The following RIF1 variants were observed in gnomAD, a reference collection of about 807,000 sequenced individuals.
RIF1 encodes replication timing regulatory factor 1, also known as telomere-associated protein RIF1.
A neutral mutation model predicts 247.1 loss-of-function variants in RIF1; 45 were observed. The observed-to-expected ratio is 0.18, with a 90% confidence interval of 0.14 to 0.23. RIF1 has a LOEUF of 0.23. Ranked by LOEUF, RIF1 falls within the 10% of genes least tolerant of loss-of-function variation. RIF1 has a pLI of 1.00. For synonymous variants in RIF1, 1,087 were observed against 978.8 expected, an observed-to-expected ratio of 1.11 and a Z score of -2.06; for missense variants, 2,967 against 2,862.5, an observed-to-expected ratio of 1.04 and a Z score of -0.83.
chr2:151,420,393 T>C lies in RIF1; in HGVS notation c.693+14T>C, dbSNP rs535117363. 6.2e-7 allele frequency: 1 copy of C among 1,612,290 alleles called. No individual in the cohort carries two copies. Among genetic ancestry groups the C allele is most frequent in the Non-Finnish European group, 8.5e-7 (1 of 1,178,574 alleles). ...CTTATGACTACTGTGAGTGTTCTTT[T>C]ATGTAAGAATTTTCTGGATACTGCA... On this transcript the variant is annotated intron_variant, in intron 7 of 35. Transcript: ENST00000444746.
At chr2:151,422,151 A>G (rs1304709223) in intron 7 of RIF1, among the ~76,000 whole-genome samples, 1 of 152,102 alleles carries the variant, frequency 6.6e-6, no homozygotes, top group Non-Finnish European at 1.5e-5. Context: ...TCTTTAACCC[A>G]TTTATCAAGC....
In RIF1 at chr2:151,464,950, A is replaced by G. The variant is rs1320478426; in HGVS notation, c.5430A>G (p.Ser1810=). The stretch of plus-strand genomic sequence containing the variant: ...AGGATAATGATACTATTAATGATTC[A>G]TTAATTGTTTCTGAAACCAAATCAA... ...LKEDNDTIND[S]LIVSETKSKE... The change falls in exon 30 of 36, where the codon TCA becomes TCG. Residue 1810 remains serine (S), a synonymous_variant. Transcript: ENST00000444746. 1 of 1,572,566 alleles carries G rather than the reference A, an allele frequency of 6.4e-7. No homozygotes were observed. The highest frequency in any genetic ancestry group is 8.6e-7 in the Non-Finnish European group (1 of 1,167,252).
At chr2:151,527,190 C>T in the RIF1 span, among the ~76,000 whole-genome samples, 2 of 151,852 alleles carry the variant, frequency 1.3e-5, no homozygotes, top group African/African-American at 4.8e-5. Flanking sequence ...TCCTCCTTTT[C>T]AGCCTAGCTG....
At chr2:151,469,276 G>A (rs781694985) in intron 33 of RIF1, among the ~76,000 whole-genome samples, 1 of 152,178 alleles carries the variant, frequency 6.6e-6, no homozygotes, top group Non-Finnish European at 1.5e-5. Context: ...AGTTTGTGAT[G>A]CCTTGAGATA....
chr2:151,416,927 T>G (rs746462834), intron 6 of RIF1, 26 bp downstream of exon 6: 2 of 1,538,196 alleles, frequency 1.3e-6, no homozygotes, highest in Admixed American at 3.6e-5. Flanking sequence ...TTGTGCAAAT[T>G]GAAGAATAGT....
rs749034995 is a variant in RIF1 at position 151,490,497 on chromosome 2, C to T, written c.*416-4732C>T. ...TGCACTGGCAGATCGTGACTGCTCC[C>T]GGCTCCGGCGCTGAGCTTGGACTGG... On this transcript the variant is annotated intron_variant and NMD_transcript_variant, in intron 9 of 13. Coordinates refer to the RIF1 transcript ENST00000454583. 1.8e-5 allele frequency: 29 copies of T among 1,609,072 alleles called. No homozygotes were observed. The highest frequency in any genetic ancestry group is 1.7e-4 in the Middle Eastern group (1 of 6,056).
chr2:151,442,767 A>ATTTTTTTTTTTTT (rs59128582), intron 16 of RIF1, among the ~76,000 whole-genome samples: 2 of 104,052 alleles, frequency 1.9e-5, no homozygotes, highest in African/African-American at 3.4e-5. Context: ...AAAGAGCTTG[A>ATTTTTTTTTTTTT]TTTTTTTTTT....
Position 151,503,039 on chromosome 2 carries a change from A to ATGAT in RIF1, c.*716_*719dup, listed in dbSNP as rs1253133055. 1.2e-5 allele frequency: 7 copies of ATGAT among 602,324 alleles called. No individual in the cohort carries two copies. In the African/African-American group the frequency reaches 1.3e-4, roughly 11 times the overall value. The allele number at this position is 602,324 out of a possible 1,614,324, so 37.3% of individuals were successfully genotyped here. ...TGTTTTTACTTTTTTCACAGTTTTA[A>ATGAT]TGATGAACTCTACAATGCTAATTCT... is the stretch of plus-strand genomic sequence containing the variant. On this transcript the variant is annotated 3_prime_UTR_variant and NMD_transcript_variant, in exon 12 of 14. Transcript: ENST00000454583.
chr2:151,441,301 C>A (rs180693541), intron 15 of RIF1, among the ~76,000 whole-genome samples: 1 of 152,200 alleles, frequency 6.6e-6, no homozygotes, highest in East Asian at 1.9e-4. Flanking sequence ...CAATCTTAGA[C>A]CCAACTATTA....
the RIF1 span, chr2:151,515,009 A>G: frequency 1.1e-6 from 1 of 894,680 alleles, no homozygotes; most frequent in Non-Finnish European, 1.7e-6. Flanking sequence ...AGAAAAAAAA[A>G]ACAGCATTTT....
intron 7 of RIF1, among the ~76,000 whole-genome samples, chr2:151,420,734 C>CAAAA (rs35285535): frequency 1.8e-5 from 2 of 111,828 alleles, no homozygotes; most frequent in African/African-American, 3.5e-5. Context: ...GACCCTGTCT[C>CAAAA]AAAAAAAAAA....
At chr2:151,491,421 CT>C (rs372984467) in intron 9 of RIF1, 7,104 of 338,790 alleles carry the variant, frequency 0.021, 118 homozygotes, top group African/African-American at 0.039. Flanking sequence ...AGAATTACTA[CT>C]GTTTTTTCTT....
chr2:151,513,716 A>G, the RIF1 span: 1 of 1,508,232 alleles, frequency 6.6e-7, no homozygotes, highest in Non-Finnish European at 9.1e-7. Context: ...TAAAAGAAAA[A>G]AAAAAGGTAC....
chr2:151,525,164 T>C, the RIF1 span: 1 of 1,610,310 alleles, frequency 6.2e-7, no homozygotes, highest in Non-Finnish European at 8.5e-7. Flanking sequence ...AAAACTTACA[T>C]CACTTTGCTT....
chr2:151,496,137 G>A, intron 10 of RIF1: 1 of 992,786 alleles, frequency 1.0e-6, no homozygotes, highest in Non-Finnish European at 1.5e-6. Context: ...GTAGCCCAAA[G>A]GAAAAAAGGG....
intron 3 of RIF1, 108 bp downstream of exon 3, chr2:151,411,446 G>A: frequency 1.5e-6 from 1 of 661,040 alleles, no homozygotes; most frequent in African/African-American, 1.9e-5. Context: ...GCCCAGGCGA[G>A]AGTGCAATGG....
In RIF1 at chr2:151,433,132, C is replaced by G. The variant is rs1690486395; in HGVS notation, c.981C>G (p.Ile327Met). ...TGTTAATGCAGCCTTTGAGTTCCAT[C>G]CATGTGAGAACAGAAACTCTAGCAT... ...LKLLMQPLSS[I>M]HVRTETLALT... The change falls in exon 10 of 36, where the codon ATC (isoleucine) becomes ATG (methionine). Residue 327 changes from isoleucine (I) to methionine (M), a missense_variant. Ile to Met is a conservative substitution (Grantham distance 10). This residue lies in a region of RIF1 where 71 missense variants were observed against 132.9 expected (regional missense o/e 0.53). Transcript: ENST00000444746. 6.2e-7 allele frequency: 1 copy of G among 1,612,764 alleles called. No homozygotes were observed. Among genetic ancestry groups the G allele is most frequent in the African/African-American group, 1.3e-5 (1 of 74,894 alleles).
chr2:151,452,168 A>G (rs1694418862), intron 21 of RIF1, among the ~76,000 whole-genome samples: 1 of 152,230 alleles, frequency 6.6e-6, no homozygotes, highest in Non-Finnish European at 1.5e-5. Flanking sequence ...GAAATGTTAC[A>G]AAGTTTAACT....
At chr2:151,414,336 A>G (rs1357758834) in intron 3 of RIF1, among the ~76,000 whole-genome samples, 1 of 152,148 alleles carries the variant, frequency 6.6e-6, no homozygotes, top group African/African-American at 2.4e-5. Context: ...TCTCTTATGT[A>G]TAAGGTTTAA....
Sources: allele counts gnomAD v4.1 joint callset (sites outside exome capture counted in the v4.1 genomes callset), GRCh38; gene constraint gnomAD v4.1.1; regional missense constraint gnomAD v4.1.1; transcripts MANE v1.5; gene names NCBI Gene and HGNC (gene_info 2026-07-23, HGNC 2026-07-21).